The following CNTNAP2 variants were observed in gnomAD, a reference collection of about 807,000 sequenced individuals.
CNTNAP2 encodes contactin-associated protein-like 2.
CNTNAP2 carries 98 observed loss-of-function variants against 155.2 expected under a neutral mutation model. The ratio of observed to expected loss-of-function variants is 0.63; its 90% CI spans 0.54 to 0.75. The LOEUF (loss-of-function observed/expected upper bound fraction) is 0.75, where lower values mean the gene tolerates loss of function less well. CNTNAP2 is among the 30% of genes least tolerant of loss of function. The pLI is 0.00. For synonymous variants in CNTNAP2, 651 were observed against 631.2 expected (o/e 1.03, Z -0.47); for missense variants, 1,727 against 1,688.1 (o/e 1.02, Z -0.40).
At chr7:146,353,448 A>G (rs1358979082) in intron 1 of CNTNAP2, among the ~76,000 whole-genome samples, 4 of 152,108 alleles carry the variant, frequency 2.6e-5, no homozygotes, top group Non-Finnish European at 4.4e-5. Flanking sequence ...GGGCCTCTTT[A>G]TCTACATTCA....
intron 8 of CNTNAP2, among the ~76,000 whole-genome samples, chr7:147,132,815 T>G (rs897830421): frequency 6.6e-6 from 1 of 152,134 alleles, no homozygotes; most frequent in Non-Finnish European, 1.5e-5. Context: ...AATTTATGTT[T>G]AAAAACAAGG....
chr7:146,756,565 A>G (rs1210970721), intron 1 of CNTNAP2, among the ~76,000 whole-genome samples: 2 of 152,000 alleles, frequency 1.3e-5, no homozygotes, highest in Non-Finnish European at 2.9e-5. Context: ...ACACTTCCCA[A>G]ATTCAATATA....
chr7:146,790,400 A>G (rs940934668), intron 2 of CNTNAP2, among the ~76,000 whole-genome samples: 14 of 152,178 alleles, frequency 9.2e-5, no homozygotes, highest in Admixed American at 9.2e-4. Context: ...TCATTCCCAA[A>G]GAAATAGCAC....
intron 1 of CNTNAP2, among the ~76,000 whole-genome samples, chr7:146,265,092 C>T (rs1799973611): frequency 6.6e-6 from 1 of 152,124 alleles, no homozygotes; most frequent in South Asian, 2.1e-4. Context: ...TCTAAGAAAG[C>T]TAACAGTTCA....
At chr7:148,276,435 G>T (rs1423643177) in intron 21 of CNTNAP2, among the ~76,000 whole-genome samples, 1 of 152,164 alleles carries the variant, frequency 6.6e-6, no homozygotes, top group Non-Finnish European at 1.5e-5. Flanking sequence ...AGGAAGCCAG[G>T]GCATCTCGCC....
At chr7:148,331,162 G>T (rs1411451104) in intron 21 of CNTNAP2, among the ~76,000 whole-genome samples, 1 of 147,996 alleles carries the variant, frequency 6.8e-6, no homozygotes, top group Non-Finnish European at 1.5e-5. Flanking sequence ...AGATGGAATG[G>T]ACGGATGGAA....
intron 21 of CNTNAP2, among the ~76,000 whole-genome samples, chr7:148,271,922 A>G (rs1470408960): frequency 1.3e-5 from 2 of 152,084 alleles, no homozygotes; most frequent in African/African-American, 4.8e-5. Context: ...TCATGCTCCA[A>G]AGTTGTTGCT....
chr7:147,674,459 T>C (rs1025580395), intron 13 of CNTNAP2, among the ~76,000 whole-genome samples: 5 of 152,282 alleles, frequency 3.3e-5, no homozygotes, highest in African/African-American at 1.2e-4. Flanking sequence ...TGAAAAGACA[T>C]ATTATTAGAG....
At chr7:146,475,947 A>T (rs974659135) in intron 1 of CNTNAP2, among the ~76,000 whole-genome samples, 1 of 152,144 alleles carries the variant, frequency 6.6e-6, no homozygotes, top group Non-Finnish European at 1.5e-5. Context: ...TTGGGAAATT[A>T]AAAATATCCT....
intron 17 of CNTNAP2, among the ~76,000 whole-genome samples, chr7:148,161,906 T>C (rs1805551577): frequency 6.6e-6 from 1 of 152,150 alleles, no homozygotes; most frequent in Non-Finnish European, 1.5e-5. Flanking sequence ...GCTTCTCTTC[T>C]TTTTCCTCCA....
chr7:146,681,841 G>A (rs1800510269), intron 1 of CNTNAP2, among the ~76,000 whole-genome samples: 1 of 152,090 alleles, frequency 6.6e-6, no homozygotes, highest in South Asian at 2.1e-4. Flanking sequence ...TATTCAGAAA[G>A]TAAGAGCTTC....
At chr7:148,085,703 C>A (rs2116555181) in intron 15 of CNTNAP2, among the ~76,000 whole-genome samples, 1 of 152,054 alleles carries the variant, frequency 6.6e-6, no homozygotes, top group East Asian at 1.9e-4. Context: ...TCCCTTCCTT[C>A]CTTCCTTCCT....
intron 1 of CNTNAP2, among the ~76,000 whole-genome samples, chr7:146,548,992 T>A (rs547456157): frequency 1.4e-4 from 21 of 151,798 alleles, no homozygotes; most frequent in South Asian, 1.2e-3. Context: ...TAGTTTCAGG[T>A]CTTAATTTGG....
chr7:146,263,577 C>T lies in CNTNAP2; in HGVS notation c.97+146604C>T, dbSNP rs115879534. On this transcript the variant is annotated intron_variant, in intron 1 of 23. Transcript: ENST00000361727. Reference sequence around the variant, plus strand: ...AAATGATAATTTGTAAAGGCCTGTCCGATTAACTATTTAGATAAAAATTTA... The same window carrying T: ...AAATGATAATTTGTAAAGGCCTGTCTGATTAACTATTTAGATAAAAATTTA... Among the ~76,000 whole-genome samples the T allele has an allele frequency of 5.4e-3, 829 of 152,142 alleles. 8 individuals carry two copies. The highest frequency in any genetic ancestry group is 0.019 in the African/African-American group (778 of 41,478).
At chr7:148,256,130 G>T (rs886543482) in intron 20 of CNTNAP2, among the ~76,000 whole-genome samples, 4 of 152,118 alleles carry the variant, frequency 2.6e-5, no homozygotes, top group Admixed American at 2.6e-4. Context: ...ATACGGTCTG[G>T]ATCTCAAAAT....
chr7:147,167,504 T>A (rs542385441), intron 8 of CNTNAP2: 3 of 861,804 alleles, frequency 3.5e-6, no homozygotes, highest in East Asian at 5.1e-5. Context: ...TGGACCCAGC[T>A]TTGACAGAGC....
At chr7:148,202,944 A>G (rs1336723676) in intron 18 of CNTNAP2, among the ~76,000 whole-genome samples, 2 of 152,094 alleles carry the variant, frequency 1.3e-5, no homozygotes, top group Non-Finnish European at 2.9e-5. Flanking sequence ...TTCTTCTGCC[A>G]AAAGACAGAT....
In CNTNAP2 at chr7:148,409,386, T is replaced by TGG. The variant is rs1554431659; in HGVS notation, c.3716-5_3716-4insGG. 1 of 1,606,056 alleles carries TGG rather than the reference T, an allele frequency of 6.2e-7. No individual in the cohort carries two copies. The highest frequency in any genetic ancestry group is 1.1e-5 in the South Asian group (1 of 90,904). ...TCTGACACTTGACTCTTTCTTTCTC[T>TGG]ACAGCCAGTGCGGATTTTCCATATA... On this transcript the variant is annotated splice_region_variant and splice_polypyrimidine_tract_variant and intron_variant, in intron 22 of 23. Coordinates refer to ENST00000361727, the MANE Select transcript of CNTNAP2 (RefSeq NM_014141.6).
At chr7:147,141,705 G>A (rs1217126491) in intron 8 of CNTNAP2, among the ~76,000 whole-genome samples, 2 of 152,060 alleles carry the variant, frequency 1.3e-5, no homozygotes, top group African/African-American at 4.8e-5. Flanking sequence ...GGTGTTACAT[G>A]ATCACACAGG....
Sources: gnomAD v4.1 joint callset for allele counts (sites outside exome capture counted in the v4.1 genomes callset) on GRCh38, gnomAD v4.1.1 for gene constraint, MANE v1.5 for transcripts, NCBI Gene and HGNC (gene_info 2026-07-23, HGNC 2026-07-21) for gene names.